The following CAMK2N1 variants were observed in gnomAD, a reference collection of about 807,000 sequenced individuals.
CAMK2N1 encodes the protein calcium/calmodulin dependent protein kinase II inhibitor 1.
A neutral mutation model predicts 6.4 loss-of-function variants in CAMK2N1; 2 were observed. The observed-to-expected ratio is 0.31, with a 90% CI of 0.13 to 0.98. The LOEUF (loss-of-function observed/expected upper bound fraction) is 0.98, where lower values mean the gene tolerates loss of function less well. Ranked by LOEUF, CAMK2N1 falls within the 50% of genes least tolerant of loss-of-function variation. The pLI, the probability that CAMK2N1 is intolerant of heterozygous loss-of-function variation, is 0.51. For missense variants in CAMK2N1, 77 were observed against 107.3 expected (o/e 0.72, Z 1.25); for synonymous variants, 42 against 47.5 (o/e 0.88, Z 0.47).
Position 20,482,999 on chromosome 1 carries a change from T to C in CAMK2N1, c.*650A>G, listed in dbSNP as rs2051480861. On this transcript the variant is annotated 3_prime_UTR_variant, in exon 2 of 2. Coordinates refer to ENST00000375078, the MANE Select transcript of CAMK2N1 (RefSeq NM_018584.6). ...TCATTTTAAAATAAAATCTTTTCTA[T>C]GTATCATTCCTTAGAAAAGTTCTCT... is the stretch of plus-strand genomic sequence containing the variant. 1 of 152,428 alleles carries C rather than the reference T, an allele frequency of 6.6e-6. No homozygotes were observed. Among genetic ancestry groups the C allele is most frequent in the African/African-American group, 2.4e-5 (1 of 41,438 alleles). 9.4% of individuals were successfully genotyped at this position (152,428 alleles called of 1,614,324 possible). A position where few individuals can be genotyped will look rare whatever the true frequency, so the allele number is the denominator to read the frequency against.
Position 20,484,831 on chromosome 1 carries a change from C to A in CAMK2N1, c.166+383G>T, listed in dbSNP as rs1175353987. On this transcript the variant is annotated intron_variant, in intron 1 of 1. Transcript: ENST00000375078. The surrounding 1 kb of genome is among the most constrained non-coding windows in gnomAD (Gnocchi z 6.8). ...CCCCGCAGGAATGGGATCCTCCCCA[C>A]GCAGGTCCCCACGCCGTCCCCTGGG... 6.6e-6 allele frequency among the ~76,000 whole-genome samples: 1 copy of A among 152,182 alleles called. No homozygotes were observed. The highest frequency in any genetic ancestry group is 2.4e-5 in the African/African-American group (1 of 41,460).
Position 20,483,512 on chromosome 1 carries a change from C to A in CAMK2N1, c.*137G>T, listed in dbSNP as rs2051485305. Reference sequence around the variant, plus strand: ...GCCTCATCTGTCTCCCGGCCTGATACCAGATACAGGTTGTTGATTTCATCG... The same window carrying A: ...GCCTCATCTGTCTCCCGGCCTGATAACAGATACAGGTTGTTGATTTCATCG... On this transcript the variant is annotated 3_prime_UTR_variant, in exon 2 of 2. Coordinates refer to ENST00000375078, the MANE Select transcript of CAMK2N1 (RefSeq NM_018584.6). 1.4e-6 allele frequency: 1 copy of A among 738,052 alleles called. No homozygotes were observed. Among genetic ancestry groups the A allele is most frequent in the Non-Finnish European group, 2.4e-6 (1 of 419,156 alleles). 45.7% of individuals were successfully genotyped at this position (738,052 alleles called of 1,614,324 possible). A position where few individuals can be genotyped will look rare whatever the true frequency, so the allele number is the denominator to read the frequency against.
At position 20,483,548 on chromosome 1, in the gene CAMK2N1, G is replaced by T; in HGVS notation, c.*101C>A. ...TTGTTGATTTCATCGTGGGTAGCAA[G>T]CTAGTAATAAATTTCAAAGTGCTTT... On this transcript the variant is annotated 3_prime_UTR_variant, in exon 2 of 2. Coordinates refer to ENST00000375078, the MANE Select transcript of CAMK2N1 (RefSeq NM_018584.6). 1 of 1,019,422 alleles carries T rather than the reference G, an allele frequency of 9.8e-7. No individual in the cohort carries two copies. The allele number at this position is 1,019,422 out of a possible 1,614,324, so 63.1% of individuals were successfully genotyped here.
In CAMK2N1 at chr1:20,484,424, G is replaced by C. The variant is rs1289484530; in HGVS notation, c.167-705C>G. Reference sequence around the variant, plus strand: ...TCCATCGTCCCTCGGCGCGACGGCCGGCAGCCGATCGAGGTCTCTGTCTCT... The same window carrying C: ...TCCATCGTCCCTCGGCGCGACGGCCCGCAGCCGATCGAGGTCTCTGTCTCT... On this transcript the variant is annotated intron_variant, in intron 1 of 1. Coordinates refer to ENST00000375078, the MANE Select transcript of CAMK2N1 (RefSeq NM_018584.6). The surrounding 1 kb of genome is among the most constrained non-coding windows in gnomAD (Gnocchi z 6.8). 6.6e-6 allele frequency: 1 copy of C among 152,298 alleles called. No homozygotes were observed. The highest frequency in any genetic ancestry group is 1.9e-4 in the East Asian group (1 of 5,184). 9.4% of individuals were successfully genotyped at this position (152,298 alleles called of 1,614,324 possible).
Position 20,485,436 on chromosome 1 carries a change from C to T in CAMK2N1, c.-57G>A. ...CCTCCGCCCGCGTCCCCGCCCGCGG[C>T]GGACAGGGTCAGCGGCGCTGGGGCC... On this transcript the variant is annotated 5_prime_UTR_variant, in exon 1 of 2. Transcript: ENST00000375078. This position sits in a 1 kb window ranked among gnomAD's most constrained non-coding sequence, Gnocchi z 8.4. The T allele has an allele frequency of 1.7e-6, 2 of 1,205,418 alleles. No individual in the cohort carries two copies. Among genetic ancestry groups the T allele is most frequent in the Non-Finnish European group, 2.1e-6 (2 of 964,740 alleles). The allele number at this position is 1,205,418 out of a possible 1,614,324, so 74.7% of individuals were successfully genotyped here.
rs1344641992 is a variant in CAMK2N1 at position 20,484,787 on chromosome 1, A to C, written c.166+427T>G. Reference sequence around the variant, plus strand: ...CAAGTAACAATGAAAAGCCCGTGCGACCCGAACACCCTAGCCTTCCCCGCA... The same window carrying C: ...CAAGTAACAATGAAAAGCCCGTGCGCCCCGAACACCCTAGCCTTCCCCGCA... On this transcript the variant is annotated intron_variant, in intron 1 of 1. Transcript: ENST00000375078. This position sits in a 1 kb window ranked among gnomAD's most constrained non-coding sequence, Gnocchi z 6.8. The C allele has an allele frequency of 1.2e-5, 2 of 160,464 alleles. No individual in the cohort carries two copies. The highest frequency in any genetic ancestry group is 2.7e-5 in the Non-Finnish European group (2 of 74,128). The allele number at this position is 160,464 out of a possible 1,614,324, so 9.9% of individuals were successfully genotyped here.
rs2051490754 is a variant in CAMK2N1 at position 20,484,118 on chromosome 1, G to A, written c.167-399C>T. On this transcript the variant is annotated intron_variant, in intron 1 of 1. Coordinates refer to ENST00000375078, the MANE Select transcript of CAMK2N1 (RefSeq NM_018584.6). This position sits in a 1 kb window ranked among gnomAD's most constrained non-coding sequence, Gnocchi z 6.8. Reference sequence around the variant, plus strand: ...GGTCTCGGGACCCCAGGTAAGTCCCGAGCGCAGCTCCGGTGGGCAAGGCTA... The same window carrying A: ...GGTCTCGGGACCCCAGGTAAGTCCCAAGCGCAGCTCCGGTGGGCAAGGCTA... Among the ~76,000 whole-genome samples, 1 of 152,220 alleles carries A rather than the reference G, an allele frequency of 6.6e-6. No homozygotes were observed. The highest frequency in any genetic ancestry group is 1.5e-5 in the Non-Finnish European group (1 of 68,036).
rs2051485957 is a variant in CAMK2N1, at chr1:20,483,598, A to G, written c.*51T>C. ...TCTCTTTTCATGCTTTTTGCCAATAACTGTTACCGCCGTTCTTATTCTCTC... is the reference window on the plus strand; with the variant it reads ...TCTCTTTTCATGCTTTTTGCCAATAGCTGTTACCGCCGTTCTTATTCTCTC... On this transcript the variant is annotated 3_prime_UTR_variant, in exon 2 of 2. Transcript: ENST00000375078. The G allele has an allele frequency of 6.7e-7, 1 of 1,493,790 alleles. No individual in the cohort carries two copies. Among genetic ancestry groups the G allele is most frequent in the Non-Finnish European group, 9.3e-7 (1 of 1,072,534 alleles). The allele number at this position is 1,493,790 out of a possible 1,614,324, so 92.5% of individuals were successfully genotyped here.
Position 20,483,416 on chromosome 1 carries a change from TTTTA to T in CAMK2N1, c.*229_*232del. On this transcript the variant is annotated 3_prime_UTR_variant, in exon 2 of 2. Coordinates refer to ENST00000375078, the MANE Select transcript of CAMK2N1 (RefSeq NM_018584.6). ...TAGTGAATTTTTATTATTTTTAAAA[TTTTA>T]TTTATTTTTTTATTTTTATTTTTGC... is the stretch of plus-strand genomic sequence containing the variant. 3.6e-6 allele frequency: 1 copy of T among 274,820 alleles called. No individual in the cohort carries two copies. The highest frequency in any genetic ancestry group is 6.6e-6 in the Non-Finnish European group (1 of 150,898). The allele number at this position is 274,820 out of a possible 1,614,324, so 17.0% of individuals were successfully genotyped here. A position where few individuals can be genotyped will look rare whatever the true frequency, so the allele number is the denominator to read the frequency against.
rs1376532391 is a variant in CAMK2N1, at chr1:20,485,520, C to G, written c.-141G>C. 2.3e-6 allele frequency: 1 copy of G among 444,138 alleles called. No homozygotes were observed. The highest frequency in any genetic ancestry group is 6.6e-5 in the Admixed American group (1 of 15,112). The allele number at this position is 444,138 out of a possible 1,614,324, so 27.5% of individuals were successfully genotyped here. A position where few individuals can be genotyped will look rare whatever the true frequency, so the allele number is the denominator to read the frequency against. On this transcript the variant is annotated 5_prime_UTR_variant, in exon 1 of 2. Transcript: ENST00000375078. The surrounding 1 kb of genome is among the most constrained non-coding windows in gnomAD (Gnocchi z 8.4). Reference sequence around the variant, plus strand: ...CTGCGGCGGTGGCGCCGGCGAGAGGCCGGGGGACGCCGCTAGGGCAAGAGC... The same window carrying G: ...CTGCGGCGGTGGCGCCGGCGAGAGGGCGGGGGACGCCGCTAGGGCAAGAGC...
In CAMK2N1 at chr1:20,485,521, CG is replaced by C; in HGVS notation, c.-143del. The C allele has an allele frequency of 2.3e-6, 1 of 439,234 alleles. No homozygotes were observed. Among genetic ancestry groups the C allele is most frequent in the Non-Finnish European group, 3.0e-6 (1 of 333,300 alleles). The allele number at this position is 439,234 out of a possible 1,614,324, so 27.2% of individuals were successfully genotyped here. On this transcript the variant is annotated 5_prime_UTR_variant, in exon 1 of 2. Transcript: ENST00000375078. This position sits in a 1 kb window ranked among gnomAD's most constrained non-coding sequence, Gnocchi z 8.4. Reference sequence around the variant, plus strand: ...TGCGGCGGTGGCGCCGGCGAGAGGCCGGGGGACGCCGCTAGGGCAAGAGCGC... The same window carrying C: ...TGCGGCGGTGGCGCCGGCGAGAGGCCGGGGACGCCGCTAGGGCAAGAGCGC...
chr1:20,485,243 T>C lies in CAMK2N1; in HGVS notation c.137A>G (p.Lys46Arg), dbSNP rs774233470. The change falls in exon 1 of 2, where the codon AAG (lysine) becomes AGG (arginine). Residue 46 changes from lysine (K) to arginine (R), a missense_variant. By Grantham distance (26) the Lys-to-Arg change is conservative (BLOSUM62 2). Coordinates refer to ENST00000375078, the MANE Select transcript of CAMK2N1 (RefSeq NM_018584.6). The surrounding 1 kb of genome is among the most constrained non-coding windows in gnomAD (Gnocchi z 8.4). Reference protein sequence around the residue: ...FGAGQNKRPPKLGQIGRSKRV... With the variant: ...FGAGQNKRPPRLGQIGRSKRV... Reference sequence around the variant, plus strand: ...CTTGCTCCGGCCGATCTGGCCCAGCTTGGGCGGCCGCTTGTTCTGCCCGGC... The same window carrying C: ...CTTGCTCCGGCCGATCTGGCCCAGCCTGGGCGGCCGCTTGTTCTGCCCGGC... The C allele has an allele frequency of 1.3e-6, 2 of 1,597,324 alleles. No homozygotes were observed. The highest frequency in any genetic ancestry group is 1.7e-6 in the Non-Finnish European group (2 of 1,174,740).
chr1:20,485,171 C>A lies in CAMK2N1; in HGVS notation c.166+43G>T. 2 of 1,556,590 alleles carry A rather than the reference C, an allele frequency of 1.3e-6. No homozygotes were observed. The highest frequency in any genetic ancestry group is 1.2e-5 in the South Asian group (1 of 85,806). On this transcript the variant is annotated intron_variant, in intron 1 of 1. Transcript: ENST00000375078. The surrounding 1 kb of genome is among the most constrained non-coding windows in gnomAD (Gnocchi z 8.4). Reference sequence around the variant, plus strand: ...TCCGCAACCCTTGTTCAGGCCGCGGCGCGGGAAAAAGGGGGTGTCAGACAA... The same window carrying A: ...TCCGCAACCCTTGTTCAGGCCGCGGAGCGGGAAAAAGGGGGTGTCAGACAA...
Position 20,483,570 on chromosome 1 carries a change from C to A in CAMK2N1, c.*79G>T, listed in dbSNP as rs1017733291. On this transcript the variant is annotated 3_prime_UTR_variant, in exon 2 of 2. Coordinates refer to ENST00000375078, the MANE Select transcript of CAMK2N1 (RefSeq NM_018584.6). ...CAAGCTAGTAATAAATTTCAAAGTG[C>A]TTTCTCTTTTCATGCTTTTTGCCAA... 1.3e-5 allele frequency: 16 copies of A among 1,278,818 alleles called. No individual in the cohort carries two copies. Among genetic ancestry groups the A allele is most frequent in the Non-Finnish European group, 1.5e-5 (13 of 876,760 alleles). The allele number at this position is 1,278,818 out of a possible 1,614,324, so 79.2% of individuals were successfully genotyped here.
rs773958625 is a variant in CAMK2N1, at chr1:20,485,358, C to A, written c.22G>T (p.Gly8Cys). The A allele has an allele frequency of 1.3e-6, 2 of 1,499,718 alleles. No individual in the cohort carries two copies. Among genetic ancestry groups the A allele is most frequent in the East Asian group, 2.6e-5 (1 of 38,072 alleles). The allele number at this position is 1,499,718 out of a possible 1,614,324, so 92.9% of individuals were successfully genotyped here. Residue 8 changes from glycine to cysteine, a missense_variant, in exon 1 of 2, where the codon GGC becomes TGC. Gly to Cys is a radical substitution (Grantham distance 159). Coordinates refer to ENST00000375078, the MANE Select transcript of CAMK2N1 (RefSeq NM_018584.6). This position sits in a 1 kb window ranked among gnomAD's most constrained non-coding sequence, Gnocchi z 8.4. MSEVLPYGDEKLSPYGDG... is the reference protein window; with the variant it reads MSEVLPYCDEKLSPYGDG... ...CCGTAGGGGCTCAGCTTCTCGTCGC[C>A]GTAGGGCAGCACCTCCGACATGGTC...
rs2051502117 is a variant in CAMK2N1, at chr1:20,485,299, G to A, written c.81C>T (p.Cys27=). 1.3e-6 allele frequency: 2 copies of A among 1,595,150 alleles called. No individual in the cohort carries two copies. Among genetic ancestry groups the A allele is most frequent in the East Asian group, 2.3e-5 (1 of 43,884 alleles). The change falls in exon 1 of 2, where the codon TGC becomes TGT. Residue 27 remains cysteine (C), a synonymous_variant. Transcript: ENST00000375078. The surrounding 1 kb of genome is among the most constrained non-coding windows in gnomAD (Gnocchi z 8.4). ...AGAAGTTGTTGGTGTCCTGCAGGCGGCAGGAGAAGATCTGGCCCACGTCGC... is the reference window on the plus strand; with the variant it reads ...AGAAGTTGTTGGTGTCCTGCAGGCGACAGGAGAAGATCTGGCCCACGTCGC... The part of the protein sequence containing the change: ...DGGDVGQIFS[C]RLQDTNNFFG...
In CAMK2N1 at chr1:20,485,145, C is replaced by G. The variant is rs1370454341; in HGVS notation, c.166+69G>C. The G allele has an allele frequency of 1.3e-5, 19 of 1,490,616 alleles. No homozygotes were observed. The highest frequency in any genetic ancestry group is 1.5e-5 in the Non-Finnish European group (17 of 1,117,948). 92.3% of individuals were successfully genotyped at this position (1,490,616 alleles called of 1,614,324 possible). A position where few individuals can be genotyped will look rare whatever the true frequency, so the allele number is the denominator to read the frequency against. On this transcript the variant is annotated intron_variant, in intron 1 of 1. Transcript: ENST00000375078. This position sits in a 1 kb window ranked among gnomAD's most constrained non-coding sequence, Gnocchi z 8.4. Reference sequence around the variant, plus strand: ...GAACGGGCTCCAGCGGGTGGGAGACCTCCGCAACCCTTGTTCAGGCCGCGG... The same window carrying G: ...GAACGGGCTCCAGCGGGTGGGAGACGTCCGCAACCCTTGTTCAGGCCGCGG...
chr1:20,483,821 G>A (rs1452615221), intron 1 of CAMK2N1, 102 bp from the exon 2 acceptor site: 4 of 1,036,030 alleles, frequency 3.9e-6, no homozygotes, highest in Admixed American at 1.8e-5. Context: ...GGAGAGGAGA[G>A]GGCGAGGGAG....
At position 20,484,646 on chromosome 1, in the gene CAMK2N1, C is replaced by T. The variant is rs2051495966; in HGVS notation, c.166+568G>A. ...GTCTCTCTCTGCAGCCGTCGGTCCCCCTCATTGTCCCCGCGTCTCTGGAGC... is the reference window on the plus strand; with the variant it reads ...GTCTCTCTCTGCAGCCGTCGGTCCCTCTCATTGTCCCCGCGTCTCTGGAGC... On this transcript the variant is annotated intron_variant, in intron 1 of 1. Coordinates refer to ENST00000375078, the MANE Select transcript of CAMK2N1 (RefSeq NM_018584.6). This position sits in a 1 kb window ranked among gnomAD's most constrained non-coding sequence, Gnocchi z 6.8. 1 of 152,564 alleles carries T rather than the reference C, an allele frequency of 6.6e-6. No individual in the cohort carries two copies. Among genetic ancestry groups the T allele is most frequent in the East Asian group, 1.9e-4 (1 of 5,170 alleles). The allele number at this position is 152,564 out of a possible 1,614,324, so 9.5% of individuals were successfully genotyped here. A position where few individuals can be genotyped will look rare whatever the true frequency, so the allele number is the denominator to read the frequency against.
Sources: gnomAD v4.1 joint callset for allele counts (sites outside exome capture counted in the v4.1 genomes callset) on GRCh38, gnomAD v4.1.1 for gene constraint, Gnocchi (gnomAD v3.1) non-coding constraint, MANE v1.5 for transcripts, NCBI Gene and HGNC (gene_info 2026-07-23, HGNC 2026-07-21) for gene names.